The following RAB38 variants were observed in gnomAD, a reference collection of about 807,000 sequenced individuals.
RAB38 encodes the protein RAB38, member RAS oncogene family, also known as ras-related protein Rab-38.
Under a neutral mutation model 18.4 loss-of-function variants are expected in RAB38, and 15 were observed. The observed-to-expected ratio is 0.82, with a 90% CI of 0.55 to 1.26. RAB38 has a LOEUF of 1.26. Among genes scored for constraint, RAB38 ranks in the 50% most tolerant of loss-of-function variants. The pLI, the probability that RAB38 is intolerant of heterozygous loss-of-function variation, is 0.00. For synonymous variants in RAB38, 101 were observed against 104.4 expected, an observed-to-expected ratio of 0.97 and a Z score of 0.20; for missense variants, 294 against 267.4, an observed-to-expected ratio of 1.10 and a Z score of -0.69.
At chr11:88,131,064 T>C (rs977526218) in intron 2 of RAB38, among the ~76,000 whole-genome samples, 1 of 152,218 alleles carries the variant, frequency 6.6e-6, no homozygotes, top group East Asian at 1.9e-4. Flanking sequence ...ATAATTTATG[T>C]ACAAAAATAC....
chr11:87,965,876 G>A, the RAB38 span, among the ~76,000 whole-genome samples: 2 of 152,148 alleles, frequency 1.3e-5, no homozygotes, highest in Admixed American at 6.6e-5. Context: ...AGGCAGCTTT[G>A]ACCTCAAGCA....
chr11:87,896,867 A>G, the RAB38 span, among the ~76,000 whole-genome samples: 1 of 151,670 alleles, frequency 6.6e-6, no homozygotes, highest in Non-Finnish European at 1.5e-5. Flanking sequence ...GGCACTCAAA[A>G]GAGCTAGTAT....
chr11:88,156,954 A>G (rs1176517353), intron 1 of RAB38, among the ~76,000 whole-genome samples: 6 of 152,212 alleles, frequency 3.9e-5, no homozygotes, highest in Non-Finnish European at 8.8e-5. Flanking sequence ...AAAGCAAACT[A>G]GCTAATAACT....
the RAB38 span, among the ~76,000 whole-genome samples, chr11:87,835,253 G>A: frequency 6.6e-6 from 1 of 152,288 alleles, no homozygotes; most frequent in African/African-American, 2.4e-5. Flanking sequence ...ACTATTGGAT[G>A]AGTACACCTC....
the RAB38 span, among the ~76,000 whole-genome samples, chr11:88,082,797 C>T: frequency 6.6e-6 from 1 of 151,840 alleles, no homozygotes; most frequent in Non-Finnish European, 1.5e-5. Context: ...TGCTTCTTTC[C>T]TTATCCTCTC....
chr11:88,024,843 G>T, the RAB38 span, among the ~76,000 whole-genome samples: 5 of 152,122 alleles, frequency 3.3e-5, no homozygotes, highest in Non-Finnish European at 5.9e-5. Flanking sequence ...AGAATAGAAG[G>T]ATGGTTGGCA....
chr11:87,816,746 T>C, the RAB38 span, among the ~76,000 whole-genome samples: 1 of 152,138 alleles, frequency 6.6e-6, no homozygotes, highest in Non-Finnish European at 1.5e-5. Context: ...CTATAGACTT[T>C]ATTTTTCTGA....
At chr11:88,012,943 G>A in the RAB38 span, among the ~76,000 whole-genome samples, 2,258 of 152,244 alleles carry the variant, frequency 0.015, 62 homozygotes, top group African/African-American at 0.052. Context: ...TGTACAGAAA[G>A]TATTGTGTTA....
At chr11:88,147,212 G>GT (rs1205747214) in intron 2 of RAB38, among the ~76,000 whole-genome samples, 2 of 152,098 alleles carry the variant, frequency 1.3e-5, no homozygotes, top group African/African-American at 4.8e-5. Flanking sequence ...TGAAGGCAAG[G>GT]TTTTATCTGT....
the RAB38 span, among the ~76,000 whole-genome samples, chr11:87,963,868 G>C: frequency 6.6e-6 from 1 of 151,880 alleles, no homozygotes; most frequent in Non-Finnish European, 1.5e-5. Flanking sequence ...GGCTGGTCTC[G>C]AACTCCTGAC....
the RAB38 span, among the ~76,000 whole-genome samples, chr11:88,074,180 T>C: frequency 6.6e-6 from 1 of 152,080 alleles, no homozygotes; most frequent in African/African-American, 2.4e-5. Context: ...AAGGAAGTGC[T>C]AAAAGGAGAT....
At chr11:88,173,829 T>C (rs1943342577) in intron 1 of RAB38, 2 of 985,424 alleles carry the variant, frequency 2.0e-6, no homozygotes, top group South Asian at 4.7e-5. Flanking sequence ...AATCTGTTCA[T>C]CTGTTCACAT....
rs1357098537 is a variant in RAB38 at position 88,113,381 on chromosome 11, G to C, written c.*607C>G. The C allele has an allele frequency of 6.5e-6, 1 of 152,958 alleles. No homozygotes were observed. The highest frequency in any genetic ancestry group is 1.5e-5 in the Non-Finnish European group (1 of 68,338). 9.5% of individuals were successfully genotyped at this position (152,958 alleles called of 1,614,324 possible). A position where few individuals can be genotyped will look rare whatever the true frequency, so the allele number is the denominator to read the frequency against. ...GAAAGCTAACAGAAAGGCACATATG[G>C]AGGCATGTCTTTTCATACAATATTC... On this transcript the variant is annotated 3_prime_UTR_variant, in exon 3 of 3. Coordinates refer to ENST00000243662, the MANE Select transcript of RAB38 (RefSeq NM_022337.3).
At chr11:87,947,568 A>G in the RAB38 span, among the ~76,000 whole-genome samples, 2 of 151,910 alleles carry the variant, frequency 1.3e-5, no homozygotes, top group South Asian at 4.2e-4. Context: ...TTTTTGTATA[A>G]AGTGTAAGGA....
At chr11:87,903,093 A>G in the RAB38 span, among the ~76,000 whole-genome samples, 1 of 151,314 alleles carries the variant, frequency 6.6e-6, no homozygotes. Flanking sequence ...TACATTAACT[A>G]GAATGTCTAA....
At chr11:88,170,898 G>A (rs1943304933) in intron 1 of RAB38, among the ~76,000 whole-genome samples, 1 of 152,046 alleles carries the variant, frequency 6.6e-6, no homozygotes, top group Non-Finnish European at 1.5e-5. Flanking sequence ...CAACAGACTT[G>A]GTTATCTCAC....
At chr11:87,902,836 T>G in the RAB38 span, among the ~76,000 whole-genome samples, 1 of 150,808 alleles carries the variant, frequency 6.6e-6, no homozygotes, top group African/African-American at 2.4e-5. Context: ...TTAGATAGAT[T>G]TATATGTATA....
At chr11:87,964,810 A>T in the RAB38 span, among the ~76,000 whole-genome samples, 1 of 152,180 alleles carries the variant, frequency 6.6e-6, no homozygotes, top group South Asian at 2.1e-4. Context: ...TTACAAAAAC[A>T]TATGTTGTAG....
chr11:88,149,605 G>C (rs1943036400), intron 2 of RAB38, 70 bp downstream of exon 2: 2 of 1,472,234 alleles, frequency 1.4e-6, no homozygotes, highest in Admixed American at 4.0e-5. Context: ...TTATGATGAT[G>C]GTGATGATTA....
Sources: gnomAD v4.1 joint callset for allele counts (sites outside exome capture counted in the v4.1 genomes callset) on GRCh38, gnomAD v4.1.1 for gene constraint, MANE v1.5 for transcripts, NCBI Gene and HGNC (gene_info 2026-07-23, HGNC 2026-07-21) for gene names.